Variants in KDM7A observed in about 807,000 individuals in gnomAD.
The protein encoded by KDM7A is lysine-specific demethylase 7A.
Under a neutral mutation model 114.8 loss-of-function variants are expected in KDM7A, and 28 were observed. That is an observed-to-expected ratio of 0.24 (90% CI 0.18 to 0.33). KDM7A has a LOEUF of 0.33. Among genes scored for constraint, KDM7A ranks in the 10% least tolerant of loss-of-function variants. The pLI, the probability that KDM7A is intolerant of heterozygous loss-of-function variation, is 1.00. For synonymous variants in KDM7A, 423 were observed against 397.8 expected (o/e 1.06, Z -0.75); for missense variants, 942 against 1,142.5 (o/e 0.82, Z 2.53).
chr7:140,163,180 G>C (rs772239453), intron 1 of KDM7A, among the ~76,000 whole-genome samples: 5 of 152,014 alleles, frequency 3.3e-5, no homozygotes, highest in Non-Finnish European at 5.9e-5. Flanking sequence ...ATTTTTAGTA[G>C]AGACGGGGTT....
At chr7:140,091,656 G>A in intron 19 of KDM7A, 148 bp downstream of exon 19, 1 of 854,244 alleles carries the variant, frequency 1.2e-6, no homozygotes, top group Admixed American at 2.4e-5. Context: ...CTTTGTTCCT[G>A]TAGTAGCCTG....
chr7:140,103,471 CCCA>C (rs1414627739), intron 11 of KDM7A, among the ~76,000 whole-genome samples: 3 of 149,938 alleles, frequency 2.0e-5, no homozygotes, highest in African/African-American at 7.3e-5. Flanking sequence ...CCCCCTCCAA[CCCA>C]CGACAGGTCC....
At chr7:140,164,477 T>C (rs1417971473) in intron 1 of KDM7A, among the ~76,000 whole-genome samples, 1 of 152,170 alleles carries the variant, frequency 6.6e-6, no homozygotes, top group East Asian at 1.9e-4. Context: ...TTGACTGGTG[T>C]TCCCTGGGAG....
At chr7:140,160,141 C>A (rs920913190) in intron 1 of KDM7A, among the ~76,000 whole-genome samples, 1 of 151,914 alleles carries the variant, frequency 6.6e-6, no homozygotes, top group Non-Finnish European at 1.5e-5. Flanking sequence ...CTGTTTAAGG[C>A]AAGTAAATTT....
At chr7:140,157,747 T>C (rs898239809) in intron 1 of KDM7A, among the ~76,000 whole-genome samples, 1 of 151,620 alleles carries the variant, frequency 6.6e-6, no homozygotes, top group Non-Finnish European at 1.5e-5. Context: ...GTGGATCACT[T>C]GAGGTCAGGA....
At chr7:140,152,294 A>G (rs995375769) in intron 1 of KDM7A, among the ~76,000 whole-genome samples, 3 of 152,168 alleles carry the variant, frequency 2.0e-5, no homozygotes, top group African/African-American at 7.2e-5. Flanking sequence ...ACAACATCCT[A>G]CGTGGAAATT....
intron 1 of KDM7A, among the ~76,000 whole-genome samples, chr7:140,155,240 A>T (rs1046123954): frequency 1.3e-5 from 2 of 152,212 alleles, no homozygotes; most frequent in African/African-American, 4.8e-5. Context: ...AAATCTTCTT[A>T]TGTAGATCAA....
chr7:140,127,329 C>T lies in KDM7A; in HGVS notation c.701+113G>A. Reference sequence around the variant, plus strand: ...CAATGCAAAATTTATAACATTGCTACCACTGGACAACTTTAGAAGTCACAA... The same window carrying T: ...CAATGCAAAATTTATAACATTGCTATCACTGGACAACTTTAGAAGTCACAA... On this transcript the variant is annotated intron_variant, in intron 5 of 19. Transcript: ENST00000397560. 3.4e-6 allele frequency: 3 copies of T among 874,100 alleles called. No homozygotes were observed. In the East Asian group the frequency reaches 7.5e-5, roughly 22 times the overall value. The allele number at this position is 874,100 out of a possible 1,614,324, so 54.1% of individuals were successfully genotyped here.
chr7:140,121,035 G>A (rs1407125445), intron 7 of KDM7A, among the ~76,000 whole-genome samples: 1 of 152,158 alleles, frequency 6.6e-6, no homozygotes, highest in Non-Finnish European at 1.5e-5. Context: ...GGATTGATGG[G>A]ACACTCCATC....
At chr7:140,121,586 C>T (rs745864677) in intron 7 of KDM7A, among the ~76,000 whole-genome samples, 4 of 152,130 alleles carry the variant, frequency 2.6e-5, no homozygotes, top group African/African-American at 4.8e-5. Flanking sequence ...TGTTTTGGAA[C>T]GTTTAGGGGC....
intron 7 of KDM7A, among the ~76,000 whole-genome samples, chr7:140,123,460 A>C (rs1289506459): frequency 6.6e-6 from 1 of 152,216 alleles, no homozygotes; most frequent in African/African-American, 2.4e-5. Flanking sequence ...TGAATGGATA[A>C]ACAAAATACG....
Position 140,111,131 on chromosome 7 carries a change from A to G in KDM7A, c.1392T>C (p.Leu464=). Residue 464 remains leucine (L), a synonymous_variant, in exon 11 of 20, where the codon CTT becomes CTC. Transcript: ENST00000397560. ...EIPDNVRPGH[L]IKELSKVIRA... ...GAATTACTTTAGAAAGTTCTTTAAT[A>G]AGGTGTCCAGGTCTAACATTGTCTG... The G allele has an allele frequency of 6.2e-7, 1 of 1,605,750 alleles. No individual in the cohort carries two copies. The highest frequency in any genetic ancestry group is 8.5e-7 in the Non-Finnish European group (1 of 1,173,552).
At chr7:140,109,500 T>C (rs942553454) in intron 11 of KDM7A, among the ~76,000 whole-genome samples, 1 of 152,220 alleles carries the variant, frequency 6.6e-6, no homozygotes, top group Non-Finnish European at 1.5e-5. Flanking sequence ...CCTGGGTTGC[T>C]TGGTCTATCT....
chr7:140,111,058 A>T, intron 11 of KDM7A, 37 bp downstream of exon 11: 1 of 1,142,300 alleles, frequency 8.8e-7, no homozygotes, highest in Non-Finnish European at 1.3e-6. Flanking sequence ...CAAAGCAGAT[A>T]ATAATCAAGC....
chr7:140,097,681 T>C, intron 14 of KDM7A, 39 bp from the exon 15 acceptor site: 1 of 1,181,772 alleles, frequency 8.5e-7, no homozygotes, highest in Non-Finnish European at 1.3e-6. Context: ...GAGAAAGTCA[T>C]TTGACTACGA....
chr7:140,135,561 A>G (rs1818857316), intron 2 of KDM7A, among the ~76,000 whole-genome samples: 1 of 152,164 alleles, frequency 6.6e-6, no homozygotes. Context: ...CTTTCTTATT[A>G]TATAATGAGC....
intron 1 of KDM7A, among the ~76,000 whole-genome samples, chr7:140,174,078 C>T (rs1443904697): frequency 1.3e-5 from 2 of 151,640 alleles, no homozygotes; most frequent in Non-Finnish European, 2.9e-5. Flanking sequence ...GCAGAAGAAT[C>T]ACTTGAACCC....
chr7:140,099,353 C>T (rs1238792902), intron 13 of KDM7A, among the ~76,000 whole-genome samples: 1 of 152,036 alleles, frequency 6.6e-6, no homozygotes, highest in African/African-American at 2.4e-5. Flanking sequence ...GCCACCACAC[C>T]CAGCTAATTT....
At chr7:140,171,986 A>G (rs760821082) in intron 1 of KDM7A, among the ~76,000 whole-genome samples, 1 of 152,144 alleles carries the variant, frequency 6.6e-6, no homozygotes, top group Non-Finnish European at 1.5e-5. Flanking sequence ...AGGCTTGGGT[A>G]TGTCTTTTGG....
Sources: allele counts gnomAD v4.1 joint callset (sites outside exome capture counted in the v4.1 genomes callset), GRCh38; gene constraint gnomAD v4.1.1; transcripts MANE v1.5; gene names NCBI Gene and HGNC (gene_info 2026-07-23, HGNC 2026-07-21).